Variants in GRIN2B observed in about 807,000 individuals in gnomAD.
The protein encoded by GRIN2B is glutamate receptor ionotropic, NMDA 2B.
GRIN2B carries 5 observed loss-of-function variants against 114.5 expected under a neutral mutation model. The observed-to-expected ratio is 0.04, with a 90% CI of 0.02 to 0.09. The LOEUF is 0.09. GRIN2B is among the 10% of genes least tolerant of loss of function. The probability of loss-of-function intolerance (pLI) is 1.00; values close to 1 mark genes in which losing one functional copy is unlikely to be tolerated. For synonymous variants in GRIN2B, 787 were observed against 745.1 expected (o/e 1.06, Z -0.92); for missense variants, 1,108 against 1,943.5 (o/e 0.57, Z 8.08).
intron 2 of GRIN2B, among the ~76,000 whole-genome samples, chr12:13,907,132 A>T (rs1041682219): frequency 6.6e-6 from 1 of 152,090 alleles, no homozygotes; most frequent in Non-Finnish European, 1.5e-5. Context: ...AGATAAAAAA[A>T]GTCTTTGCAT....
chr12:13,731,898 G>GT (rs1055580603), intron 4 of GRIN2B, among the ~76,000 whole-genome samples: 65 of 152,226 alleles, frequency 4.3e-4, no homozygotes, highest in Middle Eastern at 3.4e-3. Context: ...TTCATCAAGT[G>GT]TTTTTTATGA....
At chr12:13,737,534 T>C (rs1193906364) in intron 4 of GRIN2B, among the ~76,000 whole-genome samples, 2 of 152,186 alleles carry the variant, frequency 1.3e-5, no homozygotes, top group African/African-American at 2.4e-5. Context: ...ATATCTTAAA[T>C]GTGAAATCTG....
Position 13,939,136 on chromosome 12 carries a change from T to C in GRIN2B, c.-19+40792A>G, listed in dbSNP as rs1034991297. On this transcript the variant is annotated intron_variant, in intron 2 of 13. Coordinates refer to ENST00000609686, the MANE Select transcript of GRIN2B (RefSeq NM_000834.5). Reference sequence around the variant, plus strand: ...TATTGTTACTAATCAACTTTGTTGATCTTCAGTAGCGTTTAGTTATCTATA... The same window carrying C: ...TATTGTTACTAATCAACTTTGTTGACCTTCAGTAGCGTTTAGTTATCTATA... Among the ~76,000 whole-genome samples the C allele has an allele frequency of 5.9e-5, 9 of 152,320 alleles. No homozygotes were observed. In the East Asian group the frequency reaches 1.5e-3, roughly 26 times the overall value.
At chr12:13,899,223 T>C (rs917975098) in intron 2 of GRIN2B, among the ~76,000 whole-genome samples, 1 of 152,066 alleles carries the variant, frequency 6.6e-6, no homozygotes, top group African/African-American at 2.4e-5. Context: ...CAAAGCCCCC[T>C]ATTGTTTTGA....
intron 9 of GRIN2B, among the ~76,000 whole-genome samples, chr12:13,610,358 G>A (rs966867470): frequency 6.6e-6 from 1 of 152,194 alleles, no homozygotes; most frequent in Non-Finnish European, 1.5e-5. Flanking sequence ...TTGCAAATCT[G>A]GATTTTCGGC....
chr12:13,823,817 G>T (rs1333463040), intron 3 of GRIN2B, among the ~76,000 whole-genome samples: 1 of 152,088 alleles, frequency 6.6e-6, no homozygotes, highest in African/African-American at 2.4e-5. Context: ...TCAGGTTGAG[G>T]AGGATGTTCT....
At chr12:13,694,593 A>C (rs1255149399) in intron 4 of GRIN2B, among the ~76,000 whole-genome samples, 1 of 145,976 alleles carries the variant, frequency 6.9e-6, no homozygotes, top group Non-Finnish European at 1.5e-5. Context: ...GGTTTACCCC[A>C]AAATTATACT....
chr12:13,647,613 T>C (rs1291942393), intron 5 of GRIN2B, among the ~76,000 whole-genome samples: 1 of 152,074 alleles, frequency 6.6e-6, no homozygotes, highest in Non-Finnish European at 1.5e-5. Flanking sequence ...TGTTAAGGAA[T>C]GCTGCCCACC....
At chr12:13,693,819 A>G (rs1385137229) in intron 4 of GRIN2B, among the ~76,000 whole-genome samples, 1 of 152,098 alleles carries the variant, frequency 6.6e-6, no homozygotes, top group Non-Finnish European at 1.5e-5. Flanking sequence ...TTGCCTCTGG[A>G]ACAGCAGCAT....
intron 3 of GRIN2B, among the ~76,000 whole-genome samples, chr12:13,816,630 A>C (rs1864828090): frequency 6.6e-6 from 1 of 152,140 alleles, no homozygotes; most frequent in Non-Finnish European, 1.5e-5. Flanking sequence ...CTGTGCCTCC[A>C]GGCCTTCTGA....
chr12:13,615,039 A>G lies in GRIN2B; in HGVS notation c.1654+75T>C, dbSNP rs1036410637. 5 of 1,326,836 alleles carry G rather than the reference A, an allele frequency of 3.8e-6. No individual in the cohort carries two copies. The highest frequency in any genetic ancestry group is 5.4e-6 in the Non-Finnish European group (5 of 918,384). 82.2% of individuals were successfully genotyped at this position (1,326,836 alleles called of 1,614,324 possible). ...ACCTTCTAGCTGGAACAGCCTGGCC[A>G]TGTGCTCCTTTTTTCCTTATTTCAC... On this transcript the variant is annotated intron_variant, in intron 8 of 13. Coordinates refer to ENST00000609686, the MANE Select transcript of GRIN2B (RefSeq NM_000834.5). The surrounding 1 kb of genome is among the most constrained non-coding windows in gnomAD (Gnocchi z 5.8).
chr12:13,896,897 G>A (rs1332200797), intron 2 of GRIN2B, among the ~76,000 whole-genome samples: 1 of 152,062 alleles, frequency 6.6e-6, no homozygotes, highest in African/African-American at 2.4e-5. Flanking sequence ...TCTGTAAAAT[G>A]GTAAGAATAA....
At chr12:13,930,063 A>G (rs1866998168) in intron 2 of GRIN2B, among the ~76,000 whole-genome samples, 1 of 152,160 alleles carries the variant, frequency 6.6e-6, no homozygotes, top group Non-Finnish European at 1.5e-5. Flanking sequence ...ACGCACCTGC[A>G]GTCCCAGCTA....
intron 3 of GRIN2B, among the ~76,000 whole-genome samples, chr12:13,825,077 T>G (rs1220892402): frequency 2.0e-5 from 3 of 152,076 alleles, no homozygotes; most frequent in African/African-American, 7.2e-5. Flanking sequence ...AAATGTCCCT[T>G]GAAGCGCTGC....
At chr12:13,973,070 A>C (rs1365963157) in intron 2 of GRIN2B, among the ~76,000 whole-genome samples, 1 of 152,216 alleles carries the variant, frequency 6.6e-6, no homozygotes, top group Non-Finnish European at 1.5e-5. Flanking sequence ...CCATTTTCAC[A>C]GAGAACAATT....
chr12:13,950,687 A>G (rs1466091260), intron 2 of GRIN2B, among the ~76,000 whole-genome samples: 2 of 152,208 alleles, frequency 1.3e-5, no homozygotes, highest in African/African-American at 4.8e-5. Flanking sequence ...AGATTCCTGC[A>G]CGACAGTAAA....
intron 3 of GRIN2B, among the ~76,000 whole-genome samples, chr12:13,759,009 T>G (rs1287679204): frequency 7.2e-6 from 1 of 139,372 alleles, no homozygotes; most frequent in Non-Finnish European, 1.6e-5. Context: ...TTTTTTTTTT[T>G]TTTTTTTTTT....
At chr12:13,687,124 C>T (rs1192786814) in intron 4 of GRIN2B, among the ~76,000 whole-genome samples, 1 of 152,138 alleles carries the variant, frequency 6.6e-6, no homozygotes, top group African/African-American at 2.4e-5. Context: ...CAGCCATCAG[C>T]ATCATCAAAA....
chr12:13,838,651 G>A (rs1018987679), intron 3 of GRIN2B, among the ~76,000 whole-genome samples: 1 of 152,002 alleles, frequency 6.6e-6, no homozygotes, highest in Non-Finnish European at 1.5e-5. Flanking sequence ...GGATTAATAG[G>A]GTGAAAACAC....
Sources: allele counts gnomAD v4.1 joint callset (sites outside exome capture counted in the v4.1 genomes callset), GRCh38; gene constraint gnomAD v4.1.1; non-coding constraint Gnocchi (gnomAD v3.1); transcripts MANE v1.5; gene names NCBI Gene and HGNC (gene_info 2026-07-23, HGNC 2026-07-21).